The following NRXN1 variants were observed in gnomAD, a reference collection of about 807,000 sequenced individuals.
NRXN1 encodes the protein neurexin-1.
NRXN1 carries 39 observed loss-of-function variants against 150.9 expected under a neutral mutation model. That is an observed-to-expected ratio of 0.26 (90% confidence interval 0.20 to 0.34). The LOEUF (loss-of-function observed/expected upper bound fraction) is 0.34. Ranked by LOEUF, NRXN1 falls within the 10% of genes least tolerant of loss-of-function variation. NRXN1 has a pLI of 1.00. For synonymous variants in NRXN1, 924 were observed against 757.0 expected (o/e 1.22, Z -3.62); for missense variants, 1,815 against 1,949.9 (o/e 0.93, Z 1.30).
intron 5 of NRXN1, among the ~76,000 whole-genome samples, chr2:50,887,666 C>T (rs1680459240): frequency 6.6e-6 from 1 of 151,202 alleles, no homozygotes. Context: ...CTTGAGCTTG[C>T]CATTTGGAAT....
intron 5 of NRXN1, among the ~76,000 whole-genome samples, chr2:50,640,344 C>A (rs956003977): frequency 6.6e-6 from 1 of 152,132 alleles, no homozygotes; most frequent in Non-Finnish European, 1.5e-5. Flanking sequence ...AATAATATCA[C>A]AAAACCTTAT....
intron 5 of NRXN1, among the ~76,000 whole-genome samples, chr2:50,775,199 ACTGT>A (rs1167894855): frequency 2.6e-5 from 4 of 152,156 alleles, no homozygotes; most frequent in African/African-American, 4.8e-5. Context: ...TTCAAATAAT[ACTGT>A]CTATCAGTTA....
intron 5 of NRXN1, chr2:50,918,392 C>T: frequency 3.3e-6 from 1 of 303,514 alleles, no homozygotes; most frequent in Non-Finnish European, 6.1e-6. Context: ...GCTTTCTGCC[C>T]TCATAGAGCT....
chr2:50,789,890 G>C (rs1288021899), intron 5 of NRXN1, among the ~76,000 whole-genome samples: 3 of 152,084 alleles, frequency 2.0e-5, no homozygotes, highest in Admixed American at 6.6e-5. Flanking sequence ...CTCTTAGTTT[G>C]GATAAAGAGG....
intron 21 of NRXN1, among the ~76,000 whole-genome samples, chr2:50,036,557 A>T (rs1390793820): frequency 6.6e-6 from 1 of 152,162 alleles, no homozygotes; most frequent in Non-Finnish European, 1.5e-5. Context: ...TTAACTTTTT[A>T]GCTATTAAAT....
At chr2:50,251,847 T>G (rs922065655) in intron 17 of NRXN1, among the ~76,000 whole-genome samples, 1 of 152,206 alleles carries the variant, frequency 6.6e-6, no homozygotes, top group Non-Finnish European at 1.5e-5. Flanking sequence ...CAAATGTCTG[T>G]TAATGCCCTT....
chr2:50,748,555 A>G (rs1700248043), intron 5 of NRXN1, among the ~76,000 whole-genome samples: 1 of 152,110 alleles, frequency 6.6e-6, no homozygotes, highest in Non-Finnish European at 1.5e-5. Context: ...CAAAGGCTCC[A>G]TGGTAAATTA....
intron 2 of NRXN1, among the ~76,000 whole-genome samples, chr2:50,949,902 T>C (rs1157099104): frequency 1.3e-5 from 2 of 152,124 alleles, no homozygotes; most frequent in African/African-American, 4.8e-5. Flanking sequence ...CTGTTGAAAG[T>C]GTGTATGTAC....
rs139405161 is a variant in NRXN1, at chr2:50,123,685, T to A, written c.3547-32191A>T. ...TGAAGTGATTAAACTTTATTGAATTTTAATTATAATCAAGCACATTATGGT... is the reference window on the plus strand; with the variant it reads ...TGAAGTGATTAAACTTTATTGAATTATAATTATAATCAAGCACATTATGGT... On this transcript the variant is annotated intron_variant, in intron 18 of 22. Transcript: ENST00000401669. Among the ~76,000 whole-genome samples, 163 of 152,256 alleles carry A rather than the reference T, an allele frequency of 1.1e-3. 2 individuals are homozygous for A. In the East Asian group the frequency reaches 0.029, roughly 27 times the overall value.
chr2:50,609,756 C>T (rs1301018652), intron 8 of NRXN1, among the ~76,000 whole-genome samples: 1 of 152,050 alleles, frequency 6.6e-6, no homozygotes, highest in East Asian at 1.9e-4. Flanking sequence ...AAAATACGTC[C>T]ATATTTCAAG....
chr2:51,027,245 G>A (rs1187228812), intron 2 of NRXN1, among the ~76,000 whole-genome samples: 1 of 152,194 alleles, frequency 6.6e-6, no homozygotes, highest in Non-Finnish European at 1.5e-5. Flanking sequence ...TTGCCACTTG[G>A]AAGGGAGTAG....
intron 8 of NRXN1, among the ~76,000 whole-genome samples, chr2:50,594,312 G>T (rs1674798004): frequency 6.6e-6 from 1 of 152,204 alleles, no homozygotes; most frequent in African/African-American, 2.4e-5. Flanking sequence ...GTTCATATTT[G>T]GTAGTGAGGT....
intron 2 of NRXN1, among the ~76,000 whole-genome samples, chr2:50,930,647 C>A (rs1229199083): frequency 6.6e-6 from 1 of 152,126 alleles, no homozygotes; most frequent in East Asian, 1.9e-4. Context: ...GTTAACATTT[C>A]AACATTCATT....
intron 17 of NRXN1, among the ~76,000 whole-genome samples, chr2:50,338,493 A>C (rs935545846): frequency 6.6e-6 from 1 of 152,172 alleles, no homozygotes; most frequent in Non-Finnish European, 1.5e-5. Context: ...TATTTAAATT[A>C]GACATGTTCC....
intron 5 of NRXN1, among the ~76,000 whole-genome samples, chr2:50,754,511 T>C (rs1316604022): frequency 2.6e-5 from 4 of 151,866 alleles, no homozygotes; most frequent in African/African-American, 9.7e-5. Flanking sequence ...TCCTTAGTTA[T>C]CTATTTCACT....
intron 2 of NRXN1, among the ~76,000 whole-genome samples, chr2:51,017,274 C>T (rs1668827251): frequency 6.6e-6 from 1 of 151,216 alleles, no homozygotes; most frequent in African/African-American, 2.4e-5. Context: ...AAATAAATAT[C>T]AAAAGCAAAT....
chr2:50,482,010 C>T (rs1422509768), intron 15 of NRXN1, among the ~76,000 whole-genome samples: 2 of 136,998 alleles, frequency 1.5e-5, no homozygotes, highest in Non-Finnish European at 3.0e-5. Flanking sequence ...CCTCGTGATC[C>T]GCCCGCCTCG....
intron 17 of NRXN1, among the ~76,000 whole-genome samples, chr2:50,366,152 C>CTT (rs35589416): frequency 0.011 from 1,491 of 132,448 alleles, 23 homozygotes; most frequent in African/African-American, 0.036. Context: ...CGGCTGGACA[C>CTT]TTTTTTTTTT....
intron 21 of NRXN1, among the ~76,000 whole-genome samples, chr2:49,995,547 C>T (rs980018370): frequency 2.6e-5 from 4 of 151,364 alleles, no homozygotes; most frequent in African/African-American, 9.7e-5. Flanking sequence ...TTTGGGAGGC[C>T]GAGGCGGGCG....
Sources: allele counts gnomAD v4.1 joint callset (sites outside exome capture counted in the v4.1 genomes callset), GRCh38; gene constraint gnomAD v4.1.1; transcripts MANE v1.5; gene names NCBI Gene and HGNC (gene_info 2026-07-23, HGNC 2026-07-21).